The following ST6GALNAC6 variants were observed in gnomAD, a reference collection of about 807,000 sequenced individuals.
ST6GALNAC6 encodes the protein ST6 N-acetylgalactosaminide alpha-2,6-sialyltransferase 6.
A neutral mutation model predicts 34.3 loss-of-function variants in ST6GALNAC6; 19 were observed. The observed-to-expected ratio is 0.55, with a 90% CI of 0.39 to 0.81. The LOEUF (loss-of-function observed/expected upper bound fraction) is 0.81, where lower values mean the gene tolerates loss of function less well. Ranked by LOEUF, ST6GALNAC6 falls within the 40% of genes least tolerant of loss-of-function variation. The pLI is 0.00. For missense variants in ST6GALNAC6, 377 were observed against 467.7 expected (o/e 0.81, Z 1.79); for synonymous variants, 185 against 182.1 (o/e 1.02, Z -0.13).
intron 6 of ST6GALNAC6, 69 bp downstream of exon 6, chr9:127,887,415 C>A: frequency 1.5e-6 from 2 of 1,358,046 alleles, no homozygotes; most frequent in South Asian, 1.2e-5. Context: ...GGTTTCCAGC[C>A]CCTAGAGCTC....
Position 127,897,889 on chromosome 9 carries a change from G to A in ST6GALNAC6, c.26+67C>T, listed in dbSNP as rs1040801611. 3 of 1,612,350 alleles carry A rather than the reference G, an allele frequency of 1.9e-6. No homozygotes were observed. The African/African-American group carries it at 4.0e-5, about 22-fold the overall frequency. ...CCCTGGTCCGCCCCGTCACAATCCT[G>A]CTCTGAGAAGGCCATGGTCAGTACA... On this transcript the variant is annotated intron_variant, in intron 2 of 6. Transcript: ENST00000373146.
At chr9:127,903,111 C>T (rs1007799404), upstream of ST6GALNAC6, 3 of 149,360 alleles carry the variant, frequency 2.0e-5, no homozygotes, top group Admixed American at 2.0e-4. Context: ...CATTCTTCCG[C>T]CTCAGCCTCC....
rs769969352 is a variant in ST6GALNAC6, at chr9:127,887,540, C to T, written c.756G>A (p.Ala252=). 2.0e-5 allele frequency: 32 copies of T among 1,612,886 alleles called. No homozygotes were observed. Among genetic ancestry groups the T allele is most frequent in the African/African-American group, 2.7e-5 (2 of 74,888 alleles). The change falls in exon 6 of 7, where the codon GCG becomes GCA. Residue 252 remains alanine (A), a synonymous_variant. Coordinates refer to ENST00000373146, the MANE Select transcript of ST6GALNAC6 (RefSeq NM_013443.5). ...CATGCACGTGGTCACACAACTCCAC[C>T]GCGATCACCATGGTAAACCAGCCTG... The part of the protein sequence containing the change: ...LSTGWFTMVI[A]VELCDHVHVY...
At chr9:127,902,578 ATTATTATT>A (rs2131600028), upstream of ST6GALNAC6, among the ~76,000 whole-genome samples, 1 of 16,920 alleles carries the variant, frequency 5.9e-5, no homozygotes, top group African/African-American at 7.6e-5. Context: ...TATTATTATT[ATTATTATT>A]ATTATTATTA....
intron 5 of ST6GALNAC6, 34 bp from the exon 6 acceptor site, chr9:127,887,625 T>A: frequency 6.4e-7 from 1 of 1,554,774 alleles, no homozygotes. Flanking sequence ...TGAGGGCACA[T>A]GCAGGGAGAG....
intron 5 of ST6GALNAC6, among the ~76,000 whole-genome samples, chr9:127,888,952 AAAG>A (rs1829965402): frequency 6.6e-6 from 1 of 152,268 alleles, no homozygotes; most frequent in African/African-American, 2.4e-5. Flanking sequence ...AATAAAGCAA[AAAG>A]AAGAAATAGG....
Position 127,886,589 on chromosome 9 carries a change from G to T in ST6GALNAC6, c.*10C>A. On this transcript the variant is annotated 3_prime_UTR_variant, in exon 7 of 7. Coordinates refer to ENST00000373146, the MANE Select transcript of ST6GALNAC6 (RefSeq NM_013443.5). ...CTCTGACCCTCCTGAGGTCCCACAG[G>T]CTGGGTGGCCTAGGTCCAGGAGGGG... 1.2e-6 allele frequency: 2 copies of T among 1,613,656 alleles called. No individual in the cohort carries two copies. The highest frequency in any genetic ancestry group is 1.7e-6 in the Non-Finnish European group (2 of 1,179,788).
chr9:127,905,874 C>A, upstream of ST6GALNAC6: 1 of 926,208 alleles, frequency 1.1e-6, no homozygotes, highest in Non-Finnish European at 1.3e-6. Flanking sequence ...ACTCCAGGGC[C>A]CTCCCTCTGA....
At chr9:127,901,895 G>A, upstream of ST6GALNAC6, among the ~76,000 whole-genome samples, 1 of 152,116 alleles carries the variant, frequency 6.6e-6, no homozygotes, top group East Asian at 1.9e-4. Flanking sequence ...TCGTGCCGCT[G>A]CACTCCAGCC....
chr9:127,900,560 C>CA (rs71380101), upstream of ST6GALNAC6, among the ~76,000 whole-genome samples: 27,590 of 44,130 alleles, frequency 0.63, 11,130 homozygotes, highest in Non-Finnish European at 0.7. Context: ...AACTCCGTCT[C>CA]AAAAAAAAAA....
intron 1 of ST6GALNAC6, among the ~76,000 whole-genome samples, chr9:127,898,554 C>A (rs1588659298): frequency 6.6e-6 from 1 of 152,368 alleles, no homozygotes. Flanking sequence ...GACCCCAGTG[C>A]AGCGACTTTC....
intron 1 of ST6GALNAC6, 54 bp downstream of exon 1, chr9:127,899,442 CGCCCCAG>C: frequency 8.8e-6 from 7 of 794,708 alleles, no homozygotes; most frequent in Non-Finnish European, 1.1e-5. Context: ...CGGCGCCCTC[CGCCCCAG>C]CCCCCGCCTC....
chr9:127,896,564 G>A (rs528750696), intron 2 of ST6GALNAC6, among the ~76,000 whole-genome samples: 1 of 152,336 alleles, frequency 6.6e-6, no homozygotes, highest in African/African-American at 2.4e-5. Context: ...CTAAGCAGGG[G>A]CCTTCCCACA....
upstream of ST6GALNAC6, chr9:127,906,078 A>C (rs1830909588): frequency 1.0e-6 from 1 of 968,442 alleles, no homozygotes; most frequent in Non-Finnish European, 1.2e-6. Flanking sequence ...GGGCAGGAGG[A>C]AGCCGGGCAC....
intron 2 of ST6GALNAC6, 91 bp downstream of exon 2, chr9:127,897,865 C>T (rs1830565404): frequency 1.3e-6 from 2 of 1,598,556 alleles, no homozygotes; most frequent in Non-Finnish European, 1.7e-6. Context: ...CCACCGTCCC[C>T]CTGGTCCGCC....
rs1419488134 is a variant in ST6GALNAC6 at position 127,894,664 on chromosome 9, G to A, written c.145C>T (p.Leu49Phe). ...KEQRSAVFVI[L>F]FALITILILY... Reference sequence around the variant, plus strand: ...ATGAGGATGGTGATGAGGGCAAAGAGGATCACGAACACTGCTGACCGCTGC... The same window carrying A: ...ATGAGGATGGTGATGAGGGCAAAGAAGATCACGAACACTGCTGACCGCTGC... The change falls in exon 4 of 7, where the codon CTC (leucine) becomes TTC (phenylalanine). Residue 49 changes from leucine (L) to phenylalanine (F), a missense_variant. Leu to Phe is a conservative substitution (Grantham distance 22). Coordinates refer to ENST00000373146, the MANE Select transcript of ST6GALNAC6 (RefSeq NM_013443.5). 6.2e-7 allele frequency: 1 copy of A among 1,614,066 alleles called. No individual in the cohort carries two copies.
intron 5 of ST6GALNAC6, among the ~76,000 whole-genome samples, chr9:127,889,444 CT>C (rs200272209): frequency 0.081 from 11,292 of 139,310 alleles, 613 homozygotes; most frequent in African/African-American, 0.15. Flanking sequence ...TCTTTTTTTT[CT>C]TTTTTTTTTT....
Position 127,890,327 on chromosome 9 carries a change from C to T in ST6GALNAC6, c.704+310G>A, listed in dbSNP as rs1387711914. Among the ~76,000 whole-genome samples the T allele has an allele frequency of 1.3e-5, 2 of 152,132 alleles. No individual in the cohort carries two copies. The highest frequency in any genetic ancestry group is 2.9e-5 in the Non-Finnish European group (2 of 68,016). Reference sequence around the variant, plus strand: ...ATTGGGTACACTATGGGGAGCTTCTCTCAGAAAGATGCTAGGACTGACTGT... The same window carrying T: ...ATTGGGTACACTATGGGGAGCTTCTTTCAGAAAGATGCTAGGACTGACTGT... On this transcript the variant is annotated intron_variant, in intron 5 of 6. Transcript: ENST00000373146. The surrounding 1 kb of genome is among the most constrained non-coding windows in gnomAD (Gnocchi z 4.3).
In ST6GALNAC6 at chr9:127,890,660, G is replaced by A. The variant is rs1830078017; in HGVS notation, c.681C>T (p.Phe227=). Residue 227 remains phenylalanine, a synonymous_variant, in exon 5 of 7, where the codon TTC becomes TTT. Transcript: ENST00000373146. This position sits in a 1 kb window ranked among gnomAD's most constrained non-coding sequence, Gnocchi z 4.3. ...PGRMRQFDDL[F]RGETGKDREK... is the part of the protein sequence containing the mutation. ...ACCTGTCCTTGCCCGTCTCACCCCG[G>A]AAGAGGTCGTCAAATTGCCGCATGC... 6.2e-7 allele frequency: 1 copy of A among 1,613,268 alleles called. No individual in the cohort carries two copies. Among genetic ancestry groups the A allele is most frequent in the South Asian group, 1.1e-5 (1 of 91,088 alleles).
Sources: allele counts gnomAD v4.1 joint callset (sites outside exome capture counted in the v4.1 genomes callset), GRCh38; gene constraint gnomAD v4.1.1; non-coding constraint Gnocchi (gnomAD v3.1); transcripts MANE v1.5; gene names NCBI Gene and HGNC (gene_info 2026-07-23, HGNC 2026-07-21).